USH2A: variants seen among roughly 807,000 people sequenced by gnomAD.
USH2A encodes Usher syndrome 2A (autosomal recessive, mild).
In USH2A, 443 loss-of-function variants were observed where a neutral mutation model predicts 538.9. The observed-to-expected ratio is 0.82, with a 90% CI of 0.76 to 0.89. The LOEUF (loss-of-function observed/expected upper bound fraction) is 0.89, where lower values mean the gene tolerates loss of function less well. USH2A is among the 40% of genes least tolerant of loss of function. USH2A has a pLI of 0.00. For missense variants in USH2A, 6,633 were observed against 6,324.8 expected (o/e 1.05, Z -1.65); for synonymous variants, 2,413 against 2,273.5 (o/e 1.06, Z -1.75).
intron 15 of USH2A, among the ~76,000 whole-genome samples, chr1:216,214,610 A>G (rs2035308318): frequency 6.6e-6 from 1 of 152,052 alleles, no homozygotes; most frequent in Non-Finnish European, 1.5e-5. Flanking sequence ...GTGTTCTACA[A>G]TTGGATTATA....
At chr1:216,400,093 T>C (rs2039280501) in intron 3 of USH2A, among the ~76,000 whole-genome samples, 1 of 151,960 alleles carries the variant, frequency 6.6e-6, no homozygotes, top group Non-Finnish European at 1.5e-5. Flanking sequence ...GTGATATGAA[T>C]CATATGTTGG....
intron 40 of USH2A, 76 bp downstream of exon 40, chr1:215,899,999 G>A (rs1194368766): frequency 1.2e-6 from 2 of 1,603,876 alleles, no homozygotes; most frequent in African/African-American, 2.7e-5. Flanking sequence ...TCATTTCTTT[G>A]CTTTGGAAAA....
intron 13 of USH2A, among the ~76,000 whole-genome samples, chr1:216,233,981 A>G (rs1410579645): frequency 6.6e-6 from 1 of 152,238 alleles, no homozygotes; most frequent in Non-Finnish European, 1.5e-5. Context: ...GAAGGATCAC[A>G]GAAGGATTCT....
chr1:215,929,946 G>A (rs1666323259), intron 38 of USH2A, among the ~76,000 whole-genome samples: 1 of 151,852 alleles, frequency 6.6e-6, no homozygotes, highest in South Asian at 2.1e-4. Flanking sequence ...TTCAGGGGAA[G>A]GAGAGAGAGT....
intron 21 of USH2A, among the ~76,000 whole-genome samples, chr1:216,130,429 G>C (rs1175110187): frequency 6.6e-6 from 1 of 150,980 alleles, no homozygotes; most frequent in African/African-American, 2.4e-5. Flanking sequence ...CCATTCCTGA[G>C]TTGCTTCACT....
At chr1:215,687,539 A>C (rs1166380763) in intron 61 of USH2A, among the ~76,000 whole-genome samples, 1 of 152,142 alleles carries the variant, frequency 6.6e-6, no homozygotes, top group Non-Finnish European at 1.5e-5. Context: ...TGCTTCAGTT[A>C]CCATAAAAAC....
rs543784243 is a variant in USH2A at position 216,290,399 on chromosome 1, TCTC to T, written c.1841-992_1841-990del. Among the ~76,000 whole-genome samples, 92 of 152,278 alleles carry T rather than the reference TCTC, an allele frequency of 6.0e-4. 1 individual carries two copies. Among genetic ancestry groups the T allele is most frequent in the South Asian group, 5.0e-3 (24 of 4,826 alleles). ...AATCCATATCTCCAATCCAGAAATC[TCTC>T]TTTTATTTATGAATTAATGAATATT... On this transcript the variant is annotated intron_variant, in intron 10 of 71. Coordinates refer to ENST00000307340, the MANE Select transcript of USH2A (RefSeq NM_206933.4).
At chr1:216,276,403 G>T (rs980393954) in intron 11 of USH2A, among the ~76,000 whole-genome samples, 1 of 152,094 alleles carries the variant, frequency 6.6e-6, no homozygotes, top group African/African-American at 2.4e-5. Flanking sequence ...TAGAGGCAGG[G>T]TTCTATGGCC....
intron 12 of USH2A, among the ~76,000 whole-genome samples, chr1:216,249,144 T>G (rs762664035): frequency 1.3e-5 from 2 of 151,996 alleles, no homozygotes; most frequent in Non-Finnish European, 2.9e-5. Context: ...AGTAAATATA[T>G]ATGCATATCA....
intron 3 of USH2A, among the ~76,000 whole-genome samples, chr1:216,414,917 A>G (rs2039551256): frequency 6.6e-6 from 1 of 152,166 alleles, no homozygotes; most frequent in Non-Finnish European, 1.5e-5. Flanking sequence ...TGGAGTTTAG[A>G]TGCATTATAT....
intron 20 of USH2A, among the ~76,000 whole-genome samples, chr1:216,186,209 A>G (rs1266351362): frequency 6.6e-6 from 1 of 151,530 alleles, no homozygotes; most frequent in African/African-American, 2.4e-5. Context: ...TAGAAGAAAA[A>G]TTTTAGCAAA....
At chr1:216,159,689 C>T (rs141434112) in intron 21 of USH2A, among the ~76,000 whole-genome samples, 2 of 152,048 alleles carry the variant, frequency 1.3e-5, no homozygotes, top group South Asian at 4.2e-4. Flanking sequence ...AGATAGAAAC[C>T]ATTGCAATTT....
In USH2A at chr1:215,634,522, G is replaced by C; in HGVS notation, c.15234C>G (p.Pro5078=). The part of the protein sequence containing the change: ...HKEPYIRERP[P]LVPLQKRMSP... ...ACATCCTCTTCTGAAGAGGTACCAAGGGAGGTCTTTCTCTGATATATGGCT... is the reference window on the plus strand; with the variant it reads ...ACATCCTCTTCTGAAGAGGTACCAACGGAGGTCTTTCTCTGATATATGGCT... Residue 5078 remains proline (P), a synonymous_variant, in exon 70 of 72, where the codon CCC becomes CCG. Coordinates refer to ENST00000307340, the MANE Select transcript of USH2A (RefSeq NM_206933.4). The C allele has an allele frequency of 6.2e-7, 1 of 1,614,172 alleles. No individual in the cohort carries two copies.
intron 34 of USH2A, among the ~76,000 whole-genome samples, chr1:215,993,976 G>A (rs1440369610): frequency 6.6e-6 from 1 of 151,968 alleles, no homozygotes; most frequent in African/African-American, 2.4e-5. Flanking sequence ...CACTTCTCCA[G>A]GAAATTGATA....
intron 35 of USH2A, among the ~76,000 whole-genome samples, chr1:215,977,582 C>A (rs559269438): frequency 4.8e-4 from 73 of 152,258 alleles, no homozygotes; most frequent in African/African-American, 1.7e-3. Context: ...TCTCGGCTCA[C>A]TGCAACCTCC....
intron 21 of USH2A, among the ~76,000 whole-genome samples, chr1:216,115,230 C>A (rs2102589301): frequency 6.6e-6 from 1 of 152,256 alleles, no homozygotes; most frequent in Middle Eastern, 3.4e-3. Flanking sequence ...CTCCTGAACT[C>A]AAACAATCCT....
chr1:215,750,061 T>C (rs970742456), intron 58 of USH2A, among the ~76,000 whole-genome samples: 3 of 152,180 alleles, frequency 2.0e-5, no homozygotes, highest in African/African-American at 7.2e-5. Context: ...CCTTTTTAAG[T>C]CTTTTTTTAG....
intron 2 of USH2A, among the ~76,000 whole-genome samples, chr1:216,418,923 A>G (rs1056773815): frequency 2.0e-5 from 3 of 152,122 alleles, no homozygotes; most frequent in Admixed American, 6.6e-5. Flanking sequence ...AGCACCCTTC[A>G]TTAGAGATTC....
intron 3 of USH2A, among the ~76,000 whole-genome samples, chr1:216,413,664 C>T (rs552795419): frequency 6.6e-6 from 1 of 152,132 alleles, no homozygotes; most frequent in South Asian, 2.1e-4. Context: ...ATTAGAACTG[C>T]TCTTTTTCAC....
Sources: gnomAD v4.1 joint callset for allele counts (sites outside exome capture counted in the v4.1 genomes callset) on GRCh38, gnomAD v4.1.1 for gene constraint, MANE v1.5 for transcripts, NCBI Gene and HGNC (gene_info 2026-07-23, HGNC 2026-07-21) for gene names.